COL4A4: variants seen among roughly 807,000 people sequenced by gnomAD.
COL4A4 encodes the protein collagen type IV alpha 4 chain.
In COL4A4, 105 loss-of-function variants were observed where a neutral mutation model predicts 192.9. That is an observed-to-expected ratio of 0.54 (90% CI 0.46 to 0.64). COL4A4 has a LOEUF of 0.64. COL4A4 is among the 30% of genes least tolerant of loss of function. COL4A4 has a pLI of 0.00. For missense variants in COL4A4, 1,967 were observed against 2,169.3 expected (o/e 0.91, Z 1.85); for synonymous variants, 762 against 769.9 (o/e 0.99, Z 0.17).
intron 4 of COL4A4, among the ~76,000 whole-genome samples, chr2:227,129,846 A>G (rs2062323427): frequency 6.6e-6 from 1 of 152,232 alleles, no homozygotes. Context: ...CACAATTAAA[A>G]TGAACAAATA....
rs372629076 is a variant in COL4A4, at chr2:227,065,581, G to A, written c.1988-2983C>T. The stretch of plus-strand genomic sequence containing the variant: ...AGTGGGTCCCTGACCCCTGACCCCC[G>A]AGCAGCCTAACTGGGAGGCACCCCC... On this transcript the variant is annotated intron_variant, in intron 25 of 47. Transcript: ENST00000396625. 3.7e-4 allele frequency among the ~76,000 whole-genome samples: 56 copies of A among 152,288 alleles called. 1 individual carries two copies. The Middle Eastern group carries it at 0.01, about 28-fold the overall frequency.
chr2:227,087,249 A>G (rs1576411806), intron 22 of COL4A4, among the ~76,000 whole-genome samples: 1 of 152,328 alleles, frequency 6.6e-6, no homozygotes, highest in East Asian at 1.9e-4. Context: ...CTCTGGCATG[A>G]TATCACGTAA....
chr2:227,148,578 A>T (rs73993701), intron 1 of COL4A4, among the ~76,000 whole-genome samples: 13,661 of 152,252 alleles, frequency 0.09, 1,995 homozygotes, highest in African/African-American at 0.31. Context: ...ACCTCTGAAT[A>T]GTAAACTTTA....
At chr2:227,129,651 C>T (rs1057493746) in intron 4 of COL4A4, among the ~76,000 whole-genome samples, 13 of 152,064 alleles carry the variant, frequency 8.5e-5, no homozygotes, top group Non-Finnish European at 1.8e-4. Context: ...TCAAGTGATC[C>T]GCCCCCCTCG....
intron 3 of COL4A4, 114 bp downstream of exon 3, chr2:227,144,402 T>C: frequency 2.3e-6 from 2 of 870,256 alleles, no homozygotes; most frequent in Non-Finnish European, 3.8e-6. Context: ...ATTCTCCATT[T>C]TACAGGTAAG....
At chr2:227,132,498 G>A (rs753915616) in intron 4 of COL4A4, among the ~76,000 whole-genome samples, 2 of 152,152 alleles carry the variant, frequency 1.3e-5, no homozygotes, top group Admixed American at 6.6e-5. Flanking sequence ...GATAGAGGAC[G>A]AGTGCAGTGG....
chr2:227,143,900 G>A (rs983479175), intron 3 of COL4A4, among the ~76,000 whole-genome samples: 8 of 152,226 alleles, frequency 5.3e-5, no homozygotes, highest in Non-Finnish European at 1.2e-4. Flanking sequence ...GTAGGAAAAG[G>A]AGAACAGAAG....
At chr2:227,000,689 G>A (rs916907430), downstream of COL4A4, among the ~76,000 whole-genome samples, 1 of 151,962 alleles carries the variant, frequency 6.6e-6, no homozygotes, top group Non-Finnish European at 1.5e-5. Flanking sequence ...CTAAATGACT[G>A]ACCTTGGGTT....
intron 24 of COL4A4, among the ~76,000 whole-genome samples, chr2:227,078,784 C>T (rs1320292467): frequency 1.3e-5 from 2 of 152,202 alleles, no homozygotes; most frequent in Non-Finnish European, 2.9e-5. Context: ...TCATCCTCCA[C>T]CCCTGTGGGT....
intron 1 of COL4A4, among the ~76,000 whole-genome samples, chr2:227,149,670 CAA>C (rs1215704667): frequency 2.0e-5 from 3 of 152,052 alleles, no homozygotes; most frequent in Admixed American, 6.5e-5. Context: ...TAAAGAAAAA[CAA>C]GAGGTATTTA....
At chr2:227,080,596 T>C in intron 23 of COL4A4, 47 bp from the exon 24 acceptor site, 1 of 1,517,950 alleles carries the variant, frequency 6.6e-7, no homozygotes. Flanking sequence ...CAGCAGAGGG[T>C]AAAGTAGGAT....
intron 31 of COL4A4, among the ~76,000 whole-genome samples, chr2:227,053,912 A>G (rs1284436535): frequency 3.9e-5 from 6 of 152,092 alleles, no homozygotes; most frequent in African/African-American, 1.4e-4. Flanking sequence ...AAGTGGACTC[A>G]TGGTAGTTGA....
intron 1 of COL4A4, among the ~76,000 whole-genome samples, chr2:227,163,242 G>A (rs548677469): frequency 1.3e-5 from 2 of 152,336 alleles, no homozygotes; most frequent in East Asian, 3.9e-4. Flanking sequence ...GAGCACAGTA[G>A]TATTGGCAGT....
At chr2:227,121,520 C>T (rs1432412284) in intron 4 of COL4A4, among the ~76,000 whole-genome samples, 1 of 147,290 alleles carries the variant, frequency 6.8e-6, no homozygotes, top group African/African-American at 2.6e-5. Flanking sequence ...GCTGATCGCA[C>T]CACTGCACTA....
In COL4A4 at chr2:227,040,568, CTTT is replaced by C. The variant is rs66552238; in HGVS notation, c.3505+1577_3505+1579del. ...AATACCCATAGAAAAAATACTTTTT[CTTT>C]TTTTTTTTTTTTGAGATGGAGTCTT... On this transcript the variant is annotated intron_variant, in intron 37 of 47. Transcript: ENST00000396625. Among the ~76,000 whole-genome samples the C allele has an allele frequency of 6.0e-3, 849 of 141,014 alleles. 10 individuals carry two copies. The highest frequency in any genetic ancestry group is 0.021 in the African/African-American group (801 of 38,228). The allele number at this position is 141,014 out of a possible 152,430, so 92.5% of individuals were successfully genotyped here.
At chr2:227,043,919 A>G (rs1430104869) in intron 35 of COL4A4, among the ~76,000 whole-genome samples, 1 of 152,178 alleles carries the variant, frequency 6.6e-6, no homozygotes, top group Non-Finnish European at 1.5e-5. Context: ...TATCCCCTTA[A>G]TGTCCTTCAC....
chr2:227,094,006 C>A, intron 20 of COL4A4, 119 bp downstream of exon 20: 1 of 941,450 alleles, frequency 1.1e-6, no homozygotes, highest in Non-Finnish European at 1.6e-6. Context: ...AGACAACCAA[C>A]TTAGCTCATG....
chr2:227,105,151 C>T (rs2060765479), intron 12 of COL4A4, among the ~76,000 whole-genome samples: 1 of 148,988 alleles, frequency 6.7e-6, no homozygotes, highest in African/African-American at 2.5e-5. Context: ...ATTTTGTGAG[C>T]CTTTTTCTAT....
At chr2:227,150,893 T>C (rs543492148) in intron 1 of COL4A4, among the ~76,000 whole-genome samples, 1 of 131,574 alleles carries the variant, frequency 7.6e-6, no homozygotes, top group Non-Finnish European at 1.6e-5. Context: ...AGCCAAACCA[T>C]ATCAGCCCTC....
Sources: allele counts gnomAD v4.1 joint callset (sites outside exome capture counted in the v4.1 genomes callset), GRCh38; gene constraint gnomAD v4.1.1; transcripts MANE v1.5; gene names NCBI Gene and HGNC (gene_info 2026-07-23, HGNC 2026-07-21).